The following EIF4E2 variants were observed in gnomAD, a reference collection of about 807,000 sequenced individuals.
EIF4E2 encodes eukaryotic translation initiation factor 4E family member 2, also known as eukaryotic translation initiation factor 4E type 2.
EIF4E2 carries 13 observed loss-of-function variants against 34.2 expected under a neutral mutation model. The observed-to-expected ratio is 0.38, with a 90% CI of 0.25 to 0.60. EIF4E2 has a LOEUF of 0.60. Ranked by LOEUF, EIF4E2 falls within the 20% of genes least tolerant of loss-of-function variation. The pLI, the probability that EIF4E2 is intolerant of heterozygous loss-of-function variation, is 0.62. For synonymous variants in EIF4E2, 100 were observed against 106.6 expected, an observed-to-expected ratio of 0.94 and a Z score of 0.38; for missense variants, 222 against 315.1, an observed-to-expected ratio of 0.70 and a Z score of 2.24.
At chr2:232,574,283 G>T (rs1265742691) in intron 6 of EIF4E2, 89 of 1,550,408 alleles carry the variant, frequency 5.7e-5, no homozygotes, top group Non-Finnish European at 7.2e-5. Flanking sequence ...GAGTTTCATG[G>T]CCTGGTGAAC....
downstream of EIF4E2, among the ~76,000 whole-genome samples, chr2:232,572,095 A>AT (rs1190811425): frequency 6.6e-6 from 1 of 151,906 alleles, no homozygotes; most frequent in Non-Finnish European, 1.5e-5. Context: ...CCTCTAATTA[A>AT]TTTTTTCTGT....
chr2:232,573,507 A>C (rs962746407), downstream of EIF4E2, among the ~76,000 whole-genome samples: 1 of 152,190 alleles, frequency 6.6e-6, no homozygotes, highest in Non-Finnish European at 1.5e-5. Context: ...TCCTGTGACT[A>C]GTCCAGCAGT....
At chr2:232,552,799 G>A (rs199522314) in intron 1 of EIF4E2, among the ~76,000 whole-genome samples, 4 of 150,808 alleles carry the variant, frequency 2.7e-5, no homozygotes, top group Non-Finnish European at 3.0e-5. Context: ...AGCATTGCAG[G>A]AAAAAAAAAG....
At position 232,566,280 on chromosome 2, in the gene EIF4E2, G is replaced by A. The variant is rs545981567; in HGVS notation, c.376-549G>A. Among the ~76,000 whole-genome samples the A allele has an allele frequency of 2.6e-5, 4 of 151,804 alleles. No homozygotes were observed. Among genetic ancestry groups the A allele is most frequent in the South Asian group, 4.2e-4 (2 of 4,744 alleles). Reference sequence around the variant, plus strand: ...CGGCTCCCTGCAAGCTCTGCCTCCCGAGTTCACGCCATTCTCCCGCCTCAG... The same window carrying A: ...CGGCTCCCTGCAAGCTCTGCCTCCCAAGTTCACGCCATTCTCCCGCCTCAG... On this transcript the variant is annotated intron_variant, in intron 4 of 6. Transcript: ENST00000258416. This position sits in a 1 kb window ranked among gnomAD's most constrained non-coding sequence, Gnocchi z 4.9.
At chr2:232,574,243 T>C (rs1339692616) in intron 6 of EIF4E2, 5 of 1,550,284 alleles carry the variant, frequency 3.2e-6, no homozygotes, top group Non-Finnish European at 3.5e-6. Flanking sequence ...CTATTGTGTT[T>C]TTTGTCTCTG....
chr2:232,568,624 G>T (rs1281605468), intron 6 of EIF4E2: 3 of 985,308 alleles, frequency 3.0e-6, no homozygotes, highest in African/African-American at 3.5e-5. Context: ...GGATAGGAGA[G>T]GGAAAGAGGT....
At position 232,564,617 on chromosome 2, in the gene EIF4E2, A is replaced by G. The variant is rs563310846; in HGVS notation, c.375+266A>G. On this transcript the variant is annotated intron_variant, in intron 4 of 6. Coordinates refer to ENST00000258416, the MANE Select transcript of EIF4E2 (RefSeq NM_004846.4). ...AGGCGCCCACCACCGCGCCCGGCTAATTTTTTGTGTTTTTTAGTAGAGACG... is the reference window on the plus strand; with the variant it reads ...AGGCGCCCACCACCGCGCCCGGCTAGTTTTTTGTGTTTTTTAGTAGAGACG... Among the ~76,000 whole-genome samples the G allele has an allele frequency of 2.0e-4, 30 of 152,208 alleles. 1 individual carries two copies. The highest frequency in any genetic ancestry group is 7.0e-4 in the African/African-American group (29 of 41,540).
downstream of EIF4E2, chr2:232,573,985 C>T: frequency 1.6e-6 from 1 of 635,008 alleles, no homozygotes; most frequent in Non-Finnish European, 3.0e-6. Context: ...TCCCCTGGAG[C>T]CTTGTTGAAG....
downstream of EIF4E2, among the ~76,000 whole-genome samples, chr2:232,570,425 T>TAC (rs1180852923): frequency 2.0e-5 from 3 of 152,204 alleles, no homozygotes; most frequent in African/African-American, 7.2e-5. Context: ...AATTGTTACA[T>TAC]ACATTAACTT....
rs1355823107 is a variant in EIF4E2, at chr2:232,574,343, T to C, written c.666-6561T>C. 10 of 1,550,328 alleles carry C rather than the reference T, an allele frequency of 6.5e-6. No homozygotes were observed. The African/African-American group carries it at 9.6e-5, about 15-fold the overall frequency. ...CCCCCTCTGTCTCTCACACTCAGGG[T>C]AGGGCCTTGTCTATCTTCTCTGTAA... On this transcript the variant is annotated intron_variant, in intron 6 of 6. Transcript: ENST00000409098.
chr2:232,553,748 T>C (rs553510650), intron 1 of EIF4E2: 20 of 152,288 alleles, frequency 1.3e-4, no homozygotes, highest in African/African-American at 4.3e-4. Flanking sequence ...GCACCAGATA[T>C]AGGTCCATTA....
At chr2:232,567,247 C>G in intron 6 of EIF4E2, 33 bp downstream of exon 6, 1 of 1,612,952 alleles carries the variant, frequency 6.2e-7, no homozygotes, top group Non-Finnish European at 8.5e-7. Flanking sequence ...AGGACGTGTC[C>G]CTAAGCTTAG....
At position 232,566,077 on chromosome 2, in the gene EIF4E2, G is replaced by A. The variant is rs1235336374; in HGVS notation, c.376-752G>A. Among the ~76,000 whole-genome samples the A allele has an allele frequency of 6.6e-6, 1 of 151,694 alleles. No homozygotes were observed. The highest frequency in any genetic ancestry group is 1.5e-5 in the Non-Finnish European group (1 of 67,918). ...ACTGCACTCCAGACTGGGTGACAGC[G>A]GGAGACTCCATCGCAAAAAAGAAAA... On this transcript the variant is annotated intron_variant, in intron 4 of 6. Transcript: ENST00000258416. The surrounding 1 kb of genome is among the most constrained non-coding windows in gnomAD (Gnocchi z 4.9).
Position 232,558,614 on chromosome 2 carries a change from TGTTTG to T in EIF4E2, c.270+597_270+601del, listed in dbSNP as rs1453169473. On this transcript the variant is annotated intron_variant, in intron 3 of 6. Transcript: ENST00000258416. ...TTTTTTTTTGTTTGTTTTGTTTGCT[TGTTTG>T]TTTTTTTTTTTAAGTATATATTTAT... 2.3e-5 allele frequency: 3 copies of T among 132,904 alleles called. No individual in the cohort carries two copies. In the Admixed American group the frequency reaches 2.5e-4, roughly 11 times the overall value. The allele number at this position is 132,904 out of a possible 1,614,324, so 8.2% of individuals were successfully genotyped here.
chr2:232,556,565 A>G, intron 2 of EIF4E2, 35 bp downstream of exon 2: 1 of 1,376,880 alleles, frequency 7.3e-7, no homozygotes, highest in Middle Eastern at 1.8e-4. Flanking sequence ...GTTGCCTTTG[A>G]ACTTGAGACT....
chr2:232,556,553 T>C, intron 2 of EIF4E2, 23 bp downstream of exon 2: 1 of 1,517,242 alleles, frequency 6.6e-7, no homozygotes, highest in Non-Finnish European at 9.0e-7. Context: ...TGCACAGATG[T>C]AGTTGCCTTT....
chr2:232,554,520 T>A (rs1011538389), intron 1 of EIF4E2, among the ~76,000 whole-genome samples: 7 of 152,160 alleles, frequency 4.6e-5, no homozygotes, highest in Admixed American at 2.0e-4. Flanking sequence ...GCTTGGTAGA[T>A]GTTGGTAATT....
At chr2:232,561,780 C>T (rs925264756) in intron 3 of EIF4E2, among the ~76,000 whole-genome samples, 1 of 152,182 alleles carries the variant, frequency 6.6e-6, no homozygotes, top group African/African-American at 2.4e-5. Flanking sequence ...TAGAGCAACT[C>T]AGTCCTGAAA....
intron 6 of EIF4E2, chr2:232,580,868 T>G: frequency 6.5e-7 from 1 of 1,527,508 alleles, no homozygotes; most frequent in African/African-American, 1.4e-5. Context: ...GATCCTTGTA[T>G]TGAACACTCT....
Sources: gnomAD v4.1 joint callset for allele counts (sites outside exome capture counted in the v4.1 genomes callset) on GRCh38, gnomAD v4.1.1 for gene constraint, Gnocchi (gnomAD v3.1) non-coding constraint, MANE v1.5 for transcripts, NCBI Gene and HGNC (gene_info 2026-07-23, HGNC 2026-07-21) for gene names.